ZNF44: variants seen among roughly 807,000 people sequenced by gnomAD.
ZNF44 encodes the protein gonadotropin inducible transcription repressor-2.
ZNF44 carries 9 observed loss-of-function variants against 11.7 expected under a neutral mutation model. The observed-to-expected ratio is 0.77, with a 90% CI of 0.46 to 1.35. The LOEUF is 1.35. ZNF44 is among the 40% of genes most tolerant of loss of function. The probability of loss-of-function intolerance (pLI) is 0.00; values close to 1 mark genes in which losing one functional copy is unlikely to be tolerated. For synonymous variants in ZNF44, 224 were observed against 242.7 expected (o/e 0.92, Z 0.72); for missense variants, 696 against 743.1 (o/e 0.94, Z 0.74).
chr19:12,230,844 G>A (rs553161642), intron 2 of ZNF44, among the ~76,000 whole-genome samples: 2 of 152,276 alleles, frequency 1.3e-5, no homozygotes, highest in South Asian at 4.1e-4. Flanking sequence ...TTGGTTTTAG[G>A]GTGAGGGGGC....
upstream of ZNF44, among the ~76,000 whole-genome samples, chr19:12,242,245 C>T (rs967167138): frequency 2.6e-5 from 4 of 152,088 alleles, no homozygotes; most frequent in Non-Finnish European, 4.4e-5. Flanking sequence ...CGGTGGCTCA[C>T]GCCTGTAATC....
At chr19:12,248,507 G>A in exon 8 of ZNF44, 1 of 1,290,872 alleles carries the variant, frequency 7.7e-7, no homozygotes, top group Non-Finnish European at 1.0e-6. Context: ...AAGATCTAAT[G>A]TGCCTGTTAA....
chr19:12,255,897 G>A (rs1223343862), intron 5 of ZNF44, among the ~76,000 whole-genome samples: 4 of 151,832 alleles, frequency 2.6e-5, no homozygotes, highest in East Asian at 1.9e-4. Context: ...TTAGCCAGGC[G>A]TGGTGACACG....
chr19:12,285,034 TCTCTAAGACCTA>T (rs1274909114), intron 1 of ZNF44: 1 of 698,464 alleles, frequency 1.4e-6, no homozygotes, highest in South Asian at 1.6e-5. Context: ...TTTGATGTCA[TCTCTAAGACCTA>T]CAGCTACCTA....
chr19:12,294,866 G>A lies in ZNF44; in HGVS notation c.-172C>T. ...CCTGGAACGTCACACCCTCCTCTCTGCCTCGCGCCTGATTGACAATTCTCA... is the reference window on the plus strand; with the variant it reads ...CCTGGAACGTCACACCCTCCTCTCTACCTCGCGCCTGATTGACAATTCTCA... On this transcript the variant is annotated 5_prime_UTR_variant, in exon 1 of 4. Coordinates refer to ENST00000355684, the MANE Select transcript of ZNF44 (RefSeq NM_016264.4). 3 of 701,780 alleles carry A rather than the reference G, an allele frequency of 4.3e-6. No individual in the cohort carries two copies. The highest frequency in any genetic ancestry group is 3.3e-5 in the East Asian group (1 of 29,960). The allele number at this position is 701,780 out of a possible 1,614,324, so 43.5% of individuals were successfully genotyped here. A position where few individuals can be genotyped will look rare whatever the true frequency, so the allele number is the denominator to read the frequency against.
chr19:12,227,232 C>A (rs1015308688), intron 3 of ZNF44, among the ~76,000 whole-genome samples: 1 of 152,212 alleles, frequency 6.6e-6, no homozygotes, highest in Admixed American at 6.5e-5. Context: ...ACCTGTTAGA[C>A]CTTTATAGCT....
intron 5 of ZNF44, among the ~76,000 whole-genome samples, chr19:12,265,659 GA>G (rs1917700193): frequency 6.6e-6 from 1 of 152,122 alleles, no homozygotes; most frequent in African/African-American, 2.4e-5. Context: ...CTGTGCCAAG[GA>G]AAGATACTGG....
At chr19:12,248,246 G>GT in exon 8 of ZNF44, 1 of 1,299,170 alleles carries the variant, frequency 7.7e-7, no homozygotes, top group South Asian at 1.2e-5. Context: ...CAGATTGGTG[G>GT]TATCGGAATG....
chr19:12,260,219 T>C, intron 5 of ZNF44: 1 of 784,128 alleles, frequency 1.3e-6, no homozygotes, highest in Non-Finnish European at 2.3e-6. Context: ...CCCAGTAACT[T>C]GAAGGCCCCA....
intron 1 of ZNF44, among the ~76,000 whole-genome samples, chr19:12,278,423 C>G (rs1041380052): frequency 6.6e-6 from 1 of 152,130 alleles, no homozygotes; most frequent in Non-Finnish European, 1.5e-5. Context: ...CTCTAAATTT[C>G]TGTGTGTGTG....
chr19:12,279,173 G>A (rs939321103), intron 1 of ZNF44, among the ~76,000 whole-genome samples: 14 of 152,172 alleles, frequency 9.2e-5, no homozygotes, highest in African/African-American at 3.4e-4. Context: ...AGACTTCAGT[G>A]TTTATACCCA....
chr19:12,278,503 T>A (rs1277788464), intron 1 of ZNF44, among the ~76,000 whole-genome samples: 1 of 151,764 alleles, frequency 6.6e-6, no homozygotes, highest in Non-Finnish European at 1.5e-5. Context: ...ACCAAGGGGG[T>A]CAGATTGCTT....
At chr19:12,294,491 G>C (rs1032552026) in intron 1 of ZNF44, among the ~76,000 whole-genome samples, 2 of 152,208 alleles carry the variant, frequency 1.3e-5, no homozygotes, top group African/African-American at 4.8e-5. Flanking sequence ...GCTCAGGGAC[G>C]GGACAGGACG....
intron 5 of ZNF44, among the ~76,000 whole-genome samples, chr19:12,257,180 T>G (rs1599506531): frequency 6.6e-6 from 1 of 152,170 alleles, no homozygotes; most frequent in Admixed American, 6.5e-5. Context: ...CTAAGTCTGT[T>G]GAAATAGAGA....
rs1416920275 is a variant in ZNF44, at chr19:12,273,357, C to G, written c.898G>C (p.Glu300Gln). Reference sequence around the variant, plus strand: ...GGTTTCTCTCCAGTGTGAATTCTTTCATGTACTCGAAGGGAACCGGAAACA... The same window carrying G: ...GGTTTCTCTCCAGTGTGAATTCTTTGATGTACTCGAAGGGAACCGGAAACA... ...FSVSGSLRVH[E>Q]RIHTGEKPYT... Residue 300 changes from glutamate (E) to glutamine (Q), a missense_variant, in exon 4 of 4, where the codon GAA becomes CAA. Coordinates refer to ENST00000355684, the MANE Select transcript of ZNF44 (RefSeq NM_016264.4). The G allele has an allele frequency of 6.2e-7, 1 of 1,613,708 alleles. No individual in the cohort carries two copies. Among genetic ancestry groups the G allele is most frequent in the Non-Finnish European group, 8.5e-7 (1 of 1,179,878 alleles).
At chr19:12,291,179 A>G in intron 1 of ZNF44, 1 of 438,292 alleles carries the variant, frequency 2.3e-6, no homozygotes, top group Non-Finnish European at 4.5e-6. Flanking sequence ...GTCCCACAGA[A>G]TGTTGCATTA....
downstream of ZNF44, among the ~76,000 whole-genome samples, chr19:12,267,407 A>G (rs1917776529): frequency 6.6e-6 from 1 of 152,188 alleles, no homozygotes; most frequent in South Asian, 2.1e-4. Context: ...TATTTAATAT[A>G]TGGGAAAAAG....
chr19:12,253,486 G>T (rs2438566), intron 5 of ZNF44, among the ~76,000 whole-genome samples: 1 of 151,998 alleles, frequency 6.6e-6, no homozygotes, highest in African/African-American at 2.4e-5. Context: ...CACTGTACCC[G>T]CCCAAGGAGT....
chr19:12,254,811 CGT>C (rs1917174616), intron 5 of ZNF44, among the ~76,000 whole-genome samples: 1 of 151,896 alleles, frequency 6.6e-6, no homozygotes, highest in East Asian at 1.9e-4. Flanking sequence ...AGGGGCTAGG[CGT>C]GGTGGCTCAC....
Sources: allele counts gnomAD v4.1 joint callset (sites outside exome capture counted in the v4.1 genomes callset), GRCh38; gene constraint gnomAD v4.1.1; transcripts MANE v1.5; gene names NCBI Gene and HGNC (gene_info 2026-07-23, HGNC 2026-07-21).